Variants in PCLO observed in about 807,000 individuals in gnomAD.
PCLO encodes the protein protein piccolo.
In PCLO, 82 loss-of-function variants were observed where a neutral mutation model predicts 427.5. The observed-to-expected ratio is 0.19, with a 90% CI of 0.16 to 0.23. The LOEUF (loss-of-function observed/expected upper bound fraction) is 0.23. PCLO is among the 10% of genes least tolerant of loss of function. PCLO has a pLI of 1.00. For synonymous variants in PCLO, 2,357 were observed against 2,155.4 expected (o/e 1.09, Z -2.59); for missense variants, 6,239 against 6,115.9 (o/e 1.02, Z -0.67).
intron 9 of PCLO, among the ~76,000 whole-genome samples, chr7:82,890,260 T>C (rs1401660440): frequency 6.6e-6 from 1 of 152,008 alleles, no homozygotes; most frequent in Non-Finnish European, 1.5e-5. Context: ...ATTGGTAAAA[T>C]TATTTGAACA....
chr7:83,151,499 T>A (rs572550096), intron 2 of PCLO, among the ~76,000 whole-genome samples: 2 of 152,358 alleles, frequency 1.3e-5, no homozygotes, highest in East Asian at 3.9e-4. Flanking sequence ...ATGGTGCCAT[T>A]GTAACAGAAA....
At chr7:82,775,488 T>C (rs1050870003) in intron 22 of PCLO, among the ~76,000 whole-genome samples, 3 of 152,248 alleles carry the variant, frequency 2.0e-5, no homozygotes, top group African/African-American at 7.2e-5. Context: ...TGATGGCATA[T>C]GATATAGAAC....
rs1234875779 is a variant in PCLO, at chr7:83,078,554, C to T, written c.3300+55696G>A. Among the ~76,000 whole-genome samples the T allele has an allele frequency of 7.6e-5, 8 of 105,272 alleles. No individual in the cohort carries two copies. The East Asian group carries it at 1.5e-3, about 20-fold the overall frequency. The allele number at this position is 105,272 out of a possible 152,430, so 69.1% of individuals were successfully genotyped here. A position where few individuals can be genotyped will look rare whatever the true frequency, so the allele number is the denominator to read the frequency against. On this transcript the variant is annotated intron_variant, in intron 3 of 24. Transcript: ENST00000333891. The stretch of plus-strand genomic sequence containing the variant: ...ATTACTATTATTATTATTATTGAGA[C>T]GGAGTTTCACTCTGTTGTCCAGGTT...
At chr7:82,775,314 A>C (rs1790727230) in intron 22 of PCLO, among the ~76,000 whole-genome samples, 1 of 152,102 alleles carries the variant, frequency 6.6e-6, no homozygotes, top group Admixed American at 6.6e-5. Flanking sequence ...AAATCGCCAA[A>C]CTGTTTTCCA....
chr7:82,884,842 T>C (rs941667236), intron 9 of PCLO, among the ~76,000 whole-genome samples: 3 of 152,032 alleles, frequency 2.0e-5, no homozygotes, highest in African/African-American at 7.2e-5. Context: ...CTTATGAAAC[T>C]CTACGATGAT....
At chr7:82,799,653 G>T (rs1459883471) in intron 22 of PCLO, among the ~76,000 whole-genome samples, 1 of 152,124 alleles carries the variant, frequency 6.6e-6, no homozygotes, top group East Asian at 1.9e-4. Context: ...GCTTCCAGTT[G>T]GTTTTGATCA....
chr7:82,993,545 T>TAA (rs929716446), intron 3 of PCLO, among the ~76,000 whole-genome samples: 1 of 152,038 alleles, frequency 6.6e-6, no homozygotes, highest in Non-Finnish European at 1.5e-5. Flanking sequence ...ATAGTGGAAA[T>TAA]AATTAACAAG....
intron 3 of PCLO, among the ~76,000 whole-genome samples, chr7:82,971,546 T>G (rs1032327667): frequency 6.8e-6 from 1 of 147,628 alleles, no homozygotes; most frequent in Admixed American, 6.8e-5. Context: ...GATCTATCTA[T>G]ATAATCATAT....
At chr7:82,988,649 T>C (rs1796306794) in intron 3 of PCLO, among the ~76,000 whole-genome samples, 1 of 152,062 alleles carries the variant, frequency 6.6e-6, no homozygotes, top group South Asian at 2.1e-4. Context: ...TGAAAATATT[T>C]AACCATTCTT....
intron 10 of PCLO, among the ~76,000 whole-genome samples, chr7:82,877,064 G>C (rs1793390627): frequency 6.6e-6 from 1 of 152,086 alleles, no homozygotes; most frequent in Non-Finnish European, 1.5e-5. Flanking sequence ...TTTAGTAGCA[G>C]TCTTAGAGCT....
Position 82,955,200 on chromosome 7 carries a change from T to A in PCLO, c.5753A>T (p.Tyr1918Phe), listed in dbSNP as rs1795479382. The A allele has an allele frequency of 6.2e-7, 1 of 1,613,888 alleles. No homozygotes were observed. The highest frequency in any genetic ancestry group is 8.5e-7 in the Non-Finnish European group (1 of 1,179,850). The change falls in exon 5 of 25, where the codon TAT becomes TTT. Residue 1918 changes from tyrosine (Y) to phenylalanine (F), a missense_variant. Physicochemically the swap from Tyr to Phe is conservative, Grantham distance 22. This residue lies in a region of PCLO where 4,677 missense variants were observed against 4,468.4 expected (regional missense o/e 1.05). Transcript: ENST00000333891. ...QKALKSAEEM[Y>F]EEMMHKTHKY... is the part of the protein sequence containing the mutation. Reference sequence around the variant, plus strand: ...GTGTGTTTTATGCATCATTTCTTCATACATCTCCTCAGCACTTTTTAACGC... The same window carrying A: ...GTGTGTTTTATGCATCATTTCTTCAAACATCTCCTCAGCACTTTTTAACGC...
At chr7:82,798,080 G>T (rs372700698) in intron 22 of PCLO, among the ~76,000 whole-genome samples, 1 of 151,998 alleles carries the variant, frequency 6.6e-6, no homozygotes, top group Non-Finnish European at 1.5e-5. Context: ...TGAACAAACC[G>T]TCTAAAAGTG....
intron 4 of PCLO, among the ~76,000 whole-genome samples, chr7:82,965,130 A>C (rs1221993107): frequency 6.6e-6 from 1 of 152,064 alleles, no homozygotes; most frequent in African/African-American, 2.4e-5. Context: ...AGAAAAGAAT[A>C]TTTTTCCAAA....
At chr7:83,091,795 C>T (rs1316117565) in intron 3 of PCLO, among the ~76,000 whole-genome samples, 2 of 152,094 alleles carry the variant, frequency 1.3e-5, no homozygotes, top group Admixed American at 1.3e-4. Flanking sequence ...ATACTTATTA[C>T]CAAGCTATTT....
chr7:82,767,776 TTGA>T (rs1461947964), intron 22 of PCLO, among the ~76,000 whole-genome samples: 4 of 152,250 alleles, frequency 2.6e-5, no homozygotes, highest in African/African-American at 9.6e-5. Context: ...TCTGGAAATA[TTGA>T]TGAGTTGATA....
At chr7:82,889,980 G>C (rs1283768902) in intron 9 of PCLO, among the ~76,000 whole-genome samples, 2 of 151,508 alleles carry the variant, frequency 1.3e-5, no homozygotes, top group Non-Finnish European at 2.9e-5. Flanking sequence ...TCTATTTTTA[G>C]CTTTATAATT....
At chr7:82,924,882 C>G (rs1240697488) in intron 6 of PCLO, among the ~76,000 whole-genome samples, 1 of 151,950 alleles carries the variant, frequency 6.6e-6, no homozygotes, top group African/African-American at 2.4e-5. Flanking sequence ...ATTTTTAATG[C>G]ACAACAGACA....
chr7:82,959,224 G>A (rs948501316), intron 4 of PCLO, among the ~76,000 whole-genome samples: 7 of 152,144 alleles, frequency 4.6e-5, no homozygotes, highest in East Asian at 1.9e-4. Flanking sequence ...GTGCCACCAC[G>A]CCTGGCTAAT....
At chr7:83,081,130 A>C (rs1790089753) in intron 3 of PCLO, among the ~76,000 whole-genome samples, 1 of 151,992 alleles carries the variant, frequency 6.6e-6, no homozygotes, top group Non-Finnish European at 1.5e-5. Context: ...ATAATCTGAC[A>C]AAGTAGAAAA....
Sources: allele counts gnomAD v4.1 joint callset (sites outside exome capture counted in the v4.1 genomes callset), GRCh38; gene constraint gnomAD v4.1.1; regional missense constraint gnomAD v4.1.1; transcripts MANE v1.5; gene names NCBI Gene and HGNC (gene_info 2026-07-23, HGNC 2026-07-21).